Variants in GRM1 observed in about 807,000 individuals in gnomAD.
GRM1 encodes the protein glutamate metabotropic receptor 1, also known as metabotropic glutamate receptor 1.
Under a neutral mutation model 90.9 loss-of-function variants are expected in GRM1, and 33 were observed. The observed-to-expected ratio is 0.36, with a 90% CI of 0.28 to 0.49. The LOEUF (loss-of-function observed/expected upper bound fraction) is 0.49. Ranked by LOEUF, GRM1 falls within the 20% of genes least tolerant of loss-of-function variation. GRM1 has a pLI of 0.99. For missense variants in GRM1, 1,190 were observed against 1,534.3 expected, an observed-to-expected ratio of 0.78 and a Z score of 3.75; for synonymous variants, 700 against 613.2, an observed-to-expected ratio of 1.14 and a Z score of -2.09.
chr6:146,091,626 G>GT (rs1325350463), intron 1 of GRM1, among the ~76,000 whole-genome samples: 1 of 152,008 alleles, frequency 6.6e-6, no homozygotes, highest in Non-Finnish European at 1.5e-5. Flanking sequence ...TGGAGCTGAA[G>GT]TTTTGAGTAA....
intron 2 of GRM1, among the ~76,000 whole-genome samples, chr6:146,281,504 G>C (rs930472230): frequency 6.6e-6 from 1 of 152,136 alleles, no homozygotes; most frequent in African/African-American, 2.4e-5. Flanking sequence ...TGCTATGTTT[G>C]ACAAAGGACA....
intron 3 of GRM1, among the ~76,000 whole-genome samples, chr6:146,342,557 A>G (rs1785021336): frequency 6.6e-6 from 1 of 152,182 alleles, no homozygotes; most frequent in African/African-American, 2.4e-5. Context: ...ATCCACATCC[A>G]GCTGTGTGAT....
rs536070009 is a variant in GRM1 at position 146,039,843 on chromosome 6, C to T, written c.700+9626C>T. Among the ~76,000 whole-genome samples, 13 of 151,918 alleles carry T rather than the reference C, an allele frequency of 8.6e-5. No individual in the cohort carries two copies. The South Asian group carries it at 1.5e-3, about 17-fold the overall frequency. On this transcript the variant is annotated intron_variant, in intron 1 of 7. Transcript: ENST00000282753. The stretch of plus-strand genomic sequence containing the variant: ...GGAAAAAGAGAAGTCTAGAATAAGC[C>T]GCAGGTCTATTTTGTAGGAATAAAT...
chr6:146,173,464 T>C (rs1266482216), intron 2 of GRM1, among the ~76,000 whole-genome samples: 1 of 150,546 alleles, frequency 6.6e-6, no homozygotes, highest in Non-Finnish European at 1.5e-5. Flanking sequence ...AAAAAGAAAC[T>C]CTTGATTCTT....
intron 1 of GRM1, among the ~76,000 whole-genome samples, chr6:146,083,078 A>G (rs572943864): frequency 5.3e-5 from 8 of 152,244 alleles, no homozygotes; most frequent in African/African-American, 1.9e-4. Flanking sequence ...GTTTTTGCAC[A>G]TTGATTTTGT....
intron 1 of GRM1, among the ~76,000 whole-genome samples, chr6:146,094,590 G>A (rs1346007377): frequency 6.6e-6 from 1 of 152,114 alleles, no homozygotes; most frequent in Non-Finnish European, 1.5e-5. Context: ...CCCTGTGTAT[G>A]TGTAATTAAT....
At position 146,434,054 on chromosome 6, in the gene GRM1, A is replaced by T; in HGVS notation, c.2843A>T (p.Asp948Val). 1 of 1,614,176 alleles carries T rather than the reference A, an allele frequency of 6.2e-7. No homozygotes were observed. Among genetic ancestry groups the T allele is most frequent in the South Asian group, 1.1e-5 (1 of 91,090 alleles). ...TCTGGCAAGAGCCTGACCTTTTCAG[A>T]TACCAGCACCAAGACCCTTTACAAC... Reference protein sequence around the residue: ...QGSGKSLTFSDTSTKTLYNVE... With the variant: ...QGSGKSLTFSVTSTKTLYNVE... Residue 948 changes from aspartate to valine, a missense_variant, in exon 8 of 8, where the codon GAT becomes GTT. Around this residue, in one of 10 missense-constraint regions of GRM1, gnomAD observed 400 missense variants for 360.8 expected, o/e 1.11. Coordinates refer to ENST00000282753, the MANE Select transcript of GRM1 (RefSeq NM_001278064.2).
chr6:146,260,129 A>G (rs893866202), intron 2 of GRM1, among the ~76,000 whole-genome samples: 1 of 151,970 alleles, frequency 6.6e-6, no homozygotes, highest in Non-Finnish European at 1.5e-5. Flanking sequence ...CATCTGCATT[A>G]GATATTACTC....
At chr6:146,186,143 A>G (rs945230890) in intron 2 of GRM1, among the ~76,000 whole-genome samples, 1 of 101,846 alleles carries the variant, frequency 9.8e-6, no homozygotes, top group African/African-American at 3.6e-5. Context: ...ATTTATTATT[A>G]TTATTATGTT....
rs1002834136 is a variant in GRM1 at position 146,269,033 on chromosome 6, T to C, written c.951-35578T>C. On this transcript the variant is annotated intron_variant, in intron 2 of 7. Transcript: ENST00000282753. ...TCTTCATCAGAGTTCTAATTTTTTT[T>C]CCCTAGACTTACAAAAGGTACTCAA... 7.2e-5 allele frequency among the ~76,000 whole-genome samples: 11 copies of C among 152,276 alleles called. No homozygotes were observed. In the East Asian group the frequency reaches 1.7e-3, roughly 24 times the overall value.
intron 1 of GRM1, among the ~76,000 whole-genome samples, chr6:146,054,009 A>T (rs1256727916): frequency 1.3e-5 from 2 of 152,126 alleles, no homozygotes; most frequent in East Asian, 3.9e-4. Context: ...ACATTTAATT[A>T]AATCCAACAG....
intron 2 of GRM1, among the ~76,000 whole-genome samples, chr6:146,231,119 T>C (rs1780437596): frequency 6.6e-6 from 1 of 152,166 alleles, no homozygotes; most frequent in African/African-American, 2.4e-5. Context: ...CCATACAATG[T>C]GCAACACTGA....
At chr6:146,221,893 A>G (rs1780076449) in intron 2 of GRM1, among the ~76,000 whole-genome samples, 1 of 152,164 alleles carries the variant, frequency 6.6e-6, no homozygotes, top group Non-Finnish European at 1.5e-5. Context: ...TGTATTTCAT[A>G]TAATTTTTAT....
At chr6:146,268,123 C>A (rs1781986790) in intron 2 of GRM1, among the ~76,000 whole-genome samples, 1 of 152,182 alleles carries the variant, frequency 6.6e-6, no homozygotes, top group Admixed American at 6.5e-5. Flanking sequence ...TGCTTTCCAC[C>A]TCTACTAAAC....
chr6:146,027,739 A>G (rs1383398786), upstream of GRM1: 2 of 152,336 alleles, frequency 1.3e-5, no homozygotes, highest in East Asian at 1.9e-4. Flanking sequence ...GAGCGTGGCC[A>G]CGGTCCTCTG....
chr6:146,118,136 T>A (rs952064097), intron 1 of GRM1, among the ~76,000 whole-genome samples: 13 of 128,456 alleles, frequency 1.0e-4, no homozygotes, highest in Non-Finnish European at 1.9e-4. Context: ...TTTTTTCTTC[T>A]TTTCTTTTTT....
intron 7 of GRM1, among the ~76,000 whole-genome samples, chr6:146,427,943 AG>A (rs1436358785): frequency 1.3e-5 from 2 of 152,242 alleles, no homozygotes; most frequent in African/African-American, 4.8e-5. Context: ...TCCTGACAGC[AG>A]GGCCAGAGAG....
Position 146,194,801 on chromosome 6 carries a change from A to G in GRM1, c.950+35204A>G, listed in dbSNP as rs76151982. On this transcript the variant is annotated intron_variant, in intron 2 of 7. Coordinates refer to ENST00000282753, the MANE Select transcript of GRM1 (RefSeq NM_001278064.2). ...GGTTCAACTGTCCTATAAGGTTATC[A>G]ATTGTTGGAGGGTGGGCATGTTAGC... is the stretch of plus-strand genomic sequence containing the variant. 9.9e-3 allele frequency among the ~76,000 whole-genome samples: 1,503 copies of G among 152,304 alleles called. 14 individuals carry two copies. Among genetic ancestry groups the G allele is most frequent in the African/African-American group, 0.035 (1,447 of 41,566 alleles).
intron 2 of GRM1, among the ~76,000 whole-genome samples, chr6:146,181,648 A>G (rs1778558297): frequency 2.0e-5 from 3 of 152,096 alleles, no homozygotes; most frequent in African/African-American, 7.3e-5. Context: ...TTAGAAATTC[A>G]TAGGTTGATC....
Sources: gnomAD v4.1 joint callset for allele counts (sites outside exome capture counted in the v4.1 genomes callset) on GRCh38, gnomAD v4.1.1 for gene constraint, gnomAD v4.1.1 regional missense constraint, MANE v1.5 for transcripts, NCBI Gene and HGNC (gene_info 2026-07-23, HGNC 2026-07-21) for gene names.